Variants in ITPR1 observed in about 807,000 individuals in gnomAD.
The protein encoded by ITPR1 is inositol 1,4,5-trisphosphate-gated calcium channel ITPR1.
A neutral mutation model predicts 318.4 loss-of-function variants in ITPR1; 96 were observed. That is an observed-to-expected ratio of 0.30 (90% CI 0.26 to 0.36). The LOEUF (loss-of-function observed/expected upper bound fraction) is 0.36. ITPR1 is among the 10% of genes least tolerant of loss of function. The pLI is 1.00. For synonymous variants in ITPR1, 1,312 were observed against 1,289.9 expected (o/e 1.02, Z -0.37); for missense variants, 2,440 against 3,460.2 (o/e 0.71, Z 7.40).
chr3:4,690,956 A>G (rs141147687), intron 31 of ITPR1, among the ~76,000 whole-genome samples, 188 bp from the exon 32 acceptor site: 37 of 152,248 alleles, frequency 2.4e-4, no homozygotes, highest in African/African-American at 8.2e-4. Flanking sequence ...ATGTTTATTT[A>G]TATGTCAATG....
At chr3:4,571,319 TTTCTC>T (rs1413973640) in intron 4 of ITPR1, among the ~76,000 whole-genome samples, 2 of 152,136 alleles carry the variant, frequency 1.3e-5, no homozygotes, top group Non-Finnish European at 2.9e-5. Flanking sequence ...TTTTTCTTTT[TTTCTC>T]TTCTCTTCTC....
chr3:4,753,250 C>T (rs1054898308), intron 44 of ITPR1, among the ~76,000 whole-genome samples: 3 of 151,664 alleles, frequency 2.0e-5, no homozygotes, highest in Admixed American at 2.0e-4. Context: ...GTCATCAAGT[C>T]GGGGCTGGAT....
chr3:4,558,288 T>C (rs557822619), intron 4 of ITPR1, among the ~76,000 whole-genome samples: 1 of 152,206 alleles, frequency 6.6e-6, no homozygotes, highest in Admixed American at 6.5e-5. Flanking sequence ...ATAAAAGCAA[T>C]TAGAAACTCC....
chr3:4,574,137 G>T (rs2088349080), intron 4 of ITPR1, among the ~76,000 whole-genome samples: 1 of 151,916 alleles, frequency 6.6e-6, no homozygotes, highest in Non-Finnish European at 1.5e-5. Flanking sequence ...TCTCCAGCTA[G>T]AAATAATTTA....
chr3:4,823,596 C>T (rs2106514114), intron 60 of ITPR1, among the ~76,000 whole-genome samples: 1 of 151,150 alleles, frequency 6.6e-6, no homozygotes, highest in South Asian at 2.1e-4. Context: ...TATGTGGGGG[C>T]TAAAAAAAAC....
intron 31 of ITPR1, among the ~76,000 whole-genome samples, chr3:4,689,037 A>G (rs1169005367): frequency 1.3e-5 from 2 of 152,202 alleles, no homozygotes; most frequent in African/African-American, 4.8e-5. Flanking sequence ...TGTTAAATAT[A>G]TTTCTAGAAG....
intron 47 of ITPR1, among the ~76,000 whole-genome samples, chr3:4,776,309 A>T (rs1483712118): frequency 5.3e-5 from 8 of 152,116 alleles, no homozygotes; most frequent in South Asian, 2.1e-4. Flanking sequence ...TGACCTCGTG[A>T]TCCACCCACC....
At position 4,815,338 on chromosome 3, in the gene ITPR1, C is replaced by T. The variant is rs555966182; in HGVS notation, c.7867+120C>T. ...CCAGTTATGCGGGAGGGGGCACCGGCTGCTGCTTCGTCTTGACTCTTCTAC... is the reference window on the plus strand; with the variant it reads ...CCAGTTATGCGGGAGGGGGCACCGGTTGCTGCTTCGTCTTGACTCTTCTAC... On this transcript the variant is annotated intron_variant, in intron 59 of 61. Coordinates refer to ENST00000649015, the MANE Select transcript of ITPR1 (RefSeq NM_001378452.1). 113 of 867,868 alleles carry T rather than the reference C, an allele frequency of 1.3e-4. No homozygotes were observed. The East Asian group carries it at 2.4e-3, about 18-fold the overall frequency. 53.8% of individuals were successfully genotyped at this position (867,868 alleles called of 1,614,324 possible). A position where few individuals can be genotyped will look rare whatever the true frequency, so the allele number is the denominator to read the frequency against.
chr3:4,590,431 T>C (rs1485923609), intron 4 of ITPR1, among the ~76,000 whole-genome samples: 10 of 151,662 alleles, frequency 6.6e-5, no homozygotes, highest in Non-Finnish European at 1.2e-4. Context: ...TCTGGCTTTT[T>C]ATAGCTGAGT....
chr3:4,580,660 A>G lies in ITPR1; in HGVS notation c.164-47103A>G, dbSNP rs558364090. 1.1e-4 allele frequency among the ~76,000 whole-genome samples: 16 copies of G among 150,930 alleles called. No homozygotes were observed. In the East Asian group the frequency reaches 2.9e-3, roughly 27 times the overall value. The stretch of plus-strand genomic sequence containing the variant: ...TCCCAGGTGTTGTTCATAGTCCTCC[A>G]CTACTGTCCTTACCCCCAACCTCTT... On this transcript the variant is annotated intron_variant, in intron 4 of 61. Transcript: ENST00000649015.
chr3:4,824,605 C>T (rs2049949463), intron 60 of ITPR1, among the ~76,000 whole-genome samples: 1 of 152,118 alleles, frequency 6.6e-6, no homozygotes, highest in East Asian at 1.9e-4. Context: ...ATCTCCCAGC[C>T]CCGACCCCGA....
rs192050942 is a variant in ITPR1, at chr3:4,498,043, A to G, written c.-17+3537A>G. On this transcript the variant is annotated intron_variant, in intron 2 of 61. Transcript: ENST00000649015. ...GAATGGGGATTGCTGGGGGAGATAG[A>G]AGACAGGAAGGGGGAGTTAGTGTTT... Among the ~76,000 whole-genome samples, 37 of 152,264 alleles carry G rather than the reference A, an allele frequency of 2.4e-4. No homozygotes were observed. In the East Asian group the frequency reaches 6.5e-3, roughly 27 times the overall value.
chr3:4,555,817 A>C (rs2086065568), intron 4 of ITPR1, among the ~76,000 whole-genome samples: 1 of 152,230 alleles, frequency 6.6e-6, no homozygotes, highest in Admixed American at 6.5e-5. Flanking sequence ...ATGCTGTACA[A>C]GTATTAACCA....
rs73807271 is a variant in ITPR1 at position 4,499,942 on chromosome 3, G to A, written c.-17+5436G>A. 8.6e-3 allele frequency among the ~76,000 whole-genome samples: 1,311 copies of A among 152,236 alleles called. 14 individuals are homozygous for A. Among genetic ancestry groups the A allele is most frequent in the Middle Eastern group, 0.027 (8 of 294 alleles). On this transcript the variant is annotated intron_variant, in intron 2 of 61. Coordinates refer to ENST00000649015, the MANE Select transcript of ITPR1 (RefSeq NM_001378452.1). ...AGTCTGCTCTGTAAACTTTGCTTAG[G>A]TGGGTGTGAGATGTTGGATGTCTAC...
chr3:4,546,267 G>A lies in ITPR1; in HGVS notation c.163+25173G>A, dbSNP rs143253836. On this transcript the variant is annotated intron_variant, in intron 4 of 61. Coordinates refer to ENST00000649015, the MANE Select transcript of ITPR1 (RefSeq NM_001378452.1). ...AGAAAGTGTCTTCTCCAGGCACCAC[G>A]GCAGGACCTTAGGATTGCTGGTGCA... Among the ~76,000 whole-genome samples, 506 of 152,208 alleles carry A rather than the reference G, an allele frequency of 3.3e-3. 2 individuals carry two copies. The highest frequency in any genetic ancestry group is 0.011 in the African/African-American group (471 of 41,524).
chr3:4,576,399 G>T (rs2088663260), intron 4 of ITPR1, among the ~76,000 whole-genome samples: 1 of 152,210 alleles, frequency 6.6e-6, no homozygotes, highest in African/African-American at 2.4e-5. Flanking sequence ...TGAGGCCTTG[G>T]GTTATGGATC....
At chr3:4,550,441 T>A (rs1488112532) in intron 4 of ITPR1, among the ~76,000 whole-genome samples, 1 of 152,236 alleles carries the variant, frequency 6.6e-6, no homozygotes, top group Non-Finnish European at 1.5e-5. Context: ...AATCATGTAG[T>A]GCCTGGTCCA....
At chr3:4,525,899 G>A (rs897886637) in intron 4 of ITPR1, among the ~76,000 whole-genome samples, 4 of 152,182 alleles carry the variant, frequency 2.6e-5, no homozygotes, top group Admixed American at 2.6e-4. Flanking sequence ...AAGAAAAGGT[G>A]GAAACTAACA....
rs368203664 is a variant in ITPR1 at position 4,826,404 on chromosome 3, C to T, written c.8028+8162C>T. Among the ~76,000 whole-genome samples, 181 of 152,306 alleles carry T rather than the reference C, an allele frequency of 1.2e-3. 5 individuals are homozygous for T. The South Asian group carries it at 0.035, about 29-fold the overall frequency. On this transcript the variant is annotated intron_variant, in intron 60 of 61. Coordinates refer to ENST00000649015, the MANE Select transcript of ITPR1 (RefSeq NM_001378452.1). The surrounding 1 kb of genome is among the most constrained non-coding windows in gnomAD (Gnocchi z 4.2). The stretch of plus-strand genomic sequence containing the variant: ...TACAGCCTGTGCTGCCTGCCAAATA[C>T]GATTCCCAGAATGCCCCCTGAAGTT...
Sources: allele counts gnomAD v4.1 joint callset (sites outside exome capture counted in the v4.1 genomes callset), GRCh38; gene constraint gnomAD v4.1.1; non-coding constraint Gnocchi (gnomAD v3.1); transcripts MANE v1.5; gene names NCBI Gene and HGNC (gene_info 2026-07-23, HGNC 2026-07-21).